Variants in SORL1 observed in about 807,000 individuals in gnomAD.
SORL1 encodes sortilin-related receptor.
In SORL1, 127 loss-of-function variants were observed where a neutral mutation model predicts 273.7. That is an observed-to-expected ratio of 0.46 (90% CI 0.40 to 0.54). The LOEUF is 0.54. Among genes scored for constraint, SORL1 ranks in the 20% least tolerant of loss-of-function variants. The probability of loss-of-function intolerance (pLI) is 0.00; values close to 1 mark genes in which losing one functional copy is unlikely to be tolerated. For missense variants in SORL1, 2,494 were observed against 2,846.1 expected, an observed-to-expected ratio of 0.88 and a Z score of 2.81; for synonymous variants, 1,031 against 1,067.4, an observed-to-expected ratio of 0.97 and a Z score of 0.66.
intron 8 of SORL1, among the ~76,000 whole-genome samples, chr11:121,519,742 C>T (rs1426035306): frequency 2.0e-5 from 3 of 152,160 alleles, no homozygotes; most frequent in African/African-American, 7.2e-5. Context: ...TAAGCCTCAG[C>T]ACTGTTATTA....
chr11:121,591,539 C>T (rs913339519), intron 31 of SORL1, among the ~76,000 whole-genome samples: 1 of 152,070 alleles, frequency 6.6e-6, no homozygotes, highest in African/African-American at 2.4e-5. Flanking sequence ...GGGGAGAGAG[C>T]CCAATTCAGC....
chr11:121,580,073 C>T (rs1546323), intron 25 of SORL1, among the ~76,000 whole-genome samples: 4 of 152,098 alleles, frequency 2.6e-5, no homozygotes, highest in South Asian at 2.1e-4. Context: ...TTCTAATTAC[C>T]TTTAGGTTAT....
intron 3 of SORL1, among the ~76,000 whole-genome samples, chr11:121,486,302 A>G (rs1861470816): frequency 6.6e-6 from 1 of 152,000 alleles, no homozygotes; most frequent in Admixed American, 6.6e-5. Flanking sequence ...GCCTTACATC[A>G]TCTGTGCTTC....
intron 33 of SORL1, among the ~76,000 whole-genome samples, 172 bp downstream of exon 33, chr11:121,604,496 C>T (rs191400890): frequency 5.5e-4 from 84 of 152,210 alleles, no homozygotes; most frequent in African/African-American, 1.9e-3. Context: ...GAGCCTTGGC[C>T]AGACTCTGAT....
chr11:121,583,479 C>A lies in SORL1; in HGVS notation c.3602C>A (p.Ala1201Asp). ...NCTAIYHTCE[A>D]SNFQCRNGHC... ...ACAGCCATCTATCACACCTGTGAGG[C>A]CTCCAACTTCCAGTGCCGAAACGGG... is the stretch of plus-strand genomic sequence containing the variant. Residue 1201 changes from alanine (A) to aspartate (D), a missense_variant, in exon 26 of 48, where the codon GCC (alanine) becomes GAC (aspartate). Around this residue, in one of 3 missense-constraint regions of SORL1, gnomAD observed 1,609 missense variants for 1,816.4 expected, o/e 0.89. Coordinates refer to ENST00000260197, the MANE Select transcript of SORL1 (RefSeq NM_003105.6). 6.2e-7 allele frequency: 1 copy of A among 1,612,970 alleles called. No homozygotes were observed. Among genetic ancestry groups the A allele is most frequent in the East Asian group, 2.2e-5 (1 of 44,720 alleles).
chr11:121,612,772 G>C lies in SORL1; in HGVS notation c.5359G>C (p.Asp1787His), dbSNP rs761366272. Residue 1787 changes from aspartate (D) to histidine (H), a missense_variant, in exon 40 of 48, where the codon GAC (aspartate) becomes CAC (histidine). Asp to His is a moderately conservative substitution (Grantham distance 81). Transcript: ENST00000260197. Reference protein sequence around the residue: ...GYVVNLFWAFDTHKQERRTLN... With the variant: ...GYVVNLFWAFHTHKQERRTLN... ...TGTGGTGAACCTTTTCTGGGCATTT[G>C]ACACCCACAAGCAAGAGAGGAGAAC... is the stretch of plus-strand genomic sequence containing the variant. 1 of 1,614,090 alleles carries C rather than the reference G, an allele frequency of 6.2e-7. No individual in the cohort carries two copies. The highest frequency in any genetic ancestry group is 8.5e-7 in the Non-Finnish European group (1 of 1,179,994).
rs1026638353 is a variant in SORL1, at chr11:121,625,244, C to T, written c.6331C>T (p.Pro2111Ser). Residue 2111 changes from proline (P) to serine (S), a missense_variant, in exon 46 of 48, where the codon CCT (proline) becomes TCT (serine). Physicochemically the swap from Pro to Ser is moderately conservative, Grantham distance 74. Coordinates refer to ENST00000260197, the MANE Select transcript of SORL1 (RefSeq NM_003105.6). ...TTTTGGCAACCAGATCTGTGGGGAG[C>T]CTGCCATCCTGCTGTACGATGAGCT... ...CLFGNQICGE[P>S]AILLYDELGS... 1 of 1,613,728 alleles carries T rather than the reference C, an allele frequency of 6.2e-7. No individual in the cohort carries two copies. Among genetic ancestry groups the T allele is most frequent in the Admixed American group, 1.7e-5 (1 of 59,972 alleles).
At chr11:121,498,335 G>A (rs1258439691) in intron 6 of SORL1, among the ~76,000 whole-genome samples, 2 of 152,178 alleles carry the variant, frequency 1.3e-5, no homozygotes, top group African/African-American at 4.8e-5. Context: ...TGTGACATCA[G>A]TTGGACAGTC....
intron 2 of SORL1, among the ~76,000 whole-genome samples, chr11:121,472,865 C>T (rs982506097): frequency 6.6e-6 from 1 of 151,254 alleles, no homozygotes; most frequent in Non-Finnish European, 1.5e-5. Flanking sequence ...GAGGCTGAGG[C>T]AAGAGAATCG....
intron 26 of SORL1, among the ~76,000 whole-genome samples, chr11:121,583,881 T>C (rs1399106019): frequency 6.6e-6 from 1 of 152,256 alleles, no homozygotes; most frequent in Non-Finnish European, 1.5e-5. Flanking sequence ...TAAGGTTCTC[T>C]ATCCTTTTGC....
At chr11:121,535,072 A>G (rs1476599492) in intron 12 of SORL1, among the ~76,000 whole-genome samples, 1 of 147,544 alleles carries the variant, frequency 6.8e-6, no homozygotes, top group East Asian at 2.0e-4. Context: ...ATACTTAATC[A>G]TCCAAGATTG....
At chr11:121,551,017 G>A (rs530827161) in intron 16 of SORL1, among the ~76,000 whole-genome samples, 34 of 152,316 alleles carry the variant, frequency 2.2e-4, no homozygotes, top group Middle Eastern at 3.4e-3. Context: ...GTATAAAGAG[G>A]TGTGTGACTT....
rs148594688 is a variant in SORL1 at position 121,630,121 on chromosome 11, A to T, written c.*558A>T. 3.9e-5 allele frequency: 6 copies of T among 153,158 alleles called. No homozygotes were observed. The highest frequency in any genetic ancestry group is 1.4e-4 in the African/African-American group (6 of 41,554). 9.5% of individuals were successfully genotyped at this position (153,158 alleles called of 1,614,324 possible). ...CACATGTGTTATGAGCCCCTTACCC[A>T]TAGGGTTGGGGGTGGGAAGAGAAGC... On this transcript the variant is annotated 3_prime_UTR_variant, in exon 48 of 48. Coordinates refer to ENST00000260197, the MANE Select transcript of SORL1 (RefSeq NM_003105.6).
chr11:121,471,072 T>C (rs896944969), intron 2 of SORL1, among the ~76,000 whole-genome samples: 1 of 152,234 alleles, frequency 6.6e-6, no homozygotes, highest in Admixed American at 6.5e-5. Context: ...ATATATGTCA[T>C]TTCCACTTTT....
chr11:121,475,447 A>G (rs1242195851), intron 2 of SORL1, among the ~76,000 whole-genome samples: 1 of 152,116 alleles, frequency 6.6e-6, no homozygotes, highest in African/African-American at 2.4e-5. Flanking sequence ...AAAGAGATGG[A>G]TTTTGTTTGT....
At chr11:121,502,744 T>C (rs1199993192) in intron 6 of SORL1, among the ~76,000 whole-genome samples, 1 of 152,204 alleles carries the variant, frequency 6.6e-6, no homozygotes, top group Non-Finnish European at 1.5e-5. Context: ...TCTTTTTTAT[T>C]GTTGAGTTAT....
intron 27 of SORL1, 143 bp from the exon 28 acceptor site, chr11:121,587,877 G>A: frequency 2.3e-6 from 2 of 861,040 alleles, no homozygotes; most frequent in African/African-American, 1.7e-5. Context: ...TCTAGGCTTG[G>A]CAGAAAACAA....
At chr11:121,504,335 C>G (rs1861756755) in intron 6 of SORL1, among the ~76,000 whole-genome samples, 1 of 152,120 alleles carries the variant, frequency 6.6e-6, no homozygotes, top group African/African-American at 2.4e-5. Context: ...TCTCTTGAAC[C>G]TGGGAGGTGG....
intron 1 of SORL1, among the ~76,000 whole-genome samples, chr11:121,463,339 T>C (rs180946900): frequency 8.3e-4 from 127 of 152,252 alleles, no homozygotes; most frequent in Non-Finnish European, 1.2e-3. Context: ...TTCTTTTTAG[T>C]AGGGAGCCCC....
Sources: gnomAD v4.1 joint callset for allele counts (sites outside exome capture counted in the v4.1 genomes callset) on GRCh38, gnomAD v4.1.1 for gene constraint, gnomAD v4.1.1 regional missense constraint, MANE v1.5 for transcripts, NCBI Gene and HGNC (gene_info 2026-07-23, HGNC 2026-07-21) for gene names.